The following MAP2K5 variants were observed in gnomAD, a reference collection of about 807,000 sequenced individuals.
MAP2K5 encodes mitogen-activated protein kinase kinase 5.
Under a neutral mutation model 83.1 loss-of-function variants are expected in MAP2K5, and 49 were observed. That is an observed-to-expected ratio of 0.59 (90% confidence interval 0.47 to 0.75). MAP2K5 has a LOEUF of 0.75. MAP2K5 is among the 30% of genes least tolerant of loss of function. MAP2K5 has a pLI of 0.00. For missense variants in MAP2K5, 457 were observed against 557.5 expected (o/e 0.82, Z 1.82); for synonymous variants, 202 against 191.8 (o/e 1.05, Z -0.44).
At chr15:67,631,004 T>C in intron 9 of MAP2K5, 77 bp downstream of exon 9, 1 of 1,188,644 alleles carries the variant, frequency 8.4e-7, no homozygotes, top group Non-Finnish European at 1.2e-6. Flanking sequence ...GTCACAGATA[T>C]TGTCAAAGAG....
chr15:67,726,163 A>T (rs1477332565), intron 16 of MAP2K5, among the ~76,000 whole-genome samples: 1 of 152,244 alleles, frequency 6.6e-6, no homozygotes, highest in Non-Finnish European at 1.5e-5. Flanking sequence ...TATGAGTACA[A>T]GGTAATGAAA....
intron 2 of MAP2K5, among the ~76,000 whole-genome samples, chr15:67,551,089 T>C (rs2084500837): frequency 1.3e-5 from 2 of 152,216 alleles, no homozygotes; most frequent in Admixed American, 1.3e-4. Context: ...CACTTCTTAA[T>C]GTAGAAAAAT....
chr15:67,566,400 T>C (rs1252686006), intron 3 of MAP2K5, among the ~76,000 whole-genome samples: 2 of 152,112 alleles, frequency 1.3e-5, no homozygotes, highest in African/African-American at 4.8e-5. Flanking sequence ...GGTCTCGAAC[T>C]CCTGATCTCA....
intron 3 of MAP2K5, among the ~76,000 whole-genome samples, chr15:67,567,359 T>G (rs1328478033): frequency 1.3e-5 from 2 of 149,430 alleles, no homozygotes; most frequent in East Asian, 3.9e-4. Context: ...CATAAAGTTT[T>G]TTTTTTTTTT....
In MAP2K5 at chr15:67,748,105, TAA is replaced by T. The variant is rs762393711; in HGVS notation, c.1075-124_1075-123del. 62 of 646,558 alleles carry T rather than the reference TAA, an allele frequency of 9.6e-5. No individual in the cohort carries two copies. In the African/African-American group the frequency reaches 1.0e-3, roughly 11 times the overall value. The allele number at this position is 646,558 out of a possible 1,614,324, so 40.1% of individuals were successfully genotyped here. ...TTAACATTTGTGTATTTTCATTATG[TAA>T]ATTGTGTTAACACATGCCCACAAAT... On this transcript the variant is annotated intron_variant, in intron 17 of 21. Transcript: ENST00000178640. This position sits in a 1 kb window ranked among gnomAD's most constrained non-coding sequence, Gnocchi z 4.0.
At chr15:67,688,354 A>AT (rs1464203938) in intron 13 of MAP2K5, among the ~76,000 whole-genome samples, 1 of 152,246 alleles carries the variant, frequency 6.6e-6, no homozygotes, top group East Asian at 1.9e-4. Context: ...TAAAGGGATC[A>AT]TTTTAGCTGC....
At chr15:67,756,515 C>CTCTGTGTGTG (rs376708425) in intron 19 of MAP2K5, among the ~76,000 whole-genome samples, 1 of 131,544 alleles carries the variant, frequency 7.6e-6, no homozygotes, top group Non-Finnish European at 1.6e-5. Context: ...CACACAGTTA[C>CTCTGTGTGTG]TGTGTGTGTG....
In MAP2K5 at chr15:67,806,517, G is replaced by A. The variant is rs2090811240; in HGVS notation, c.1243-129G>A. On this transcript the variant is annotated intron_variant, in intron 21 of 21. Coordinates refer to ENST00000178640, the MANE Select transcript of MAP2K5 (RefSeq NM_145160.3). ...TCTAGGCCGTGAAATGGAGCTGATA[G>A]CCTCCCTCGTTACCTCACAGGGTTA... 3 of 762,472 alleles carry A rather than the reference G, an allele frequency of 3.9e-6. No individual in the cohort carries two copies. The East Asian group carries it at 8.1e-5, about 21-fold the overall frequency. 47.2% of individuals were successfully genotyped at this position (762,472 alleles called of 1,614,324 possible).
intron 6 of MAP2K5, among the ~76,000 whole-genome samples, chr15:67,589,789 G>A (rs201661639): frequency 0.65 from 94,308 of 146,116 alleles, 30,509 homozygotes; most frequent in Middle Eastern, 0.78. Context: ...GTGTATGTGT[G>A]TGTGTGTGTG....
In MAP2K5 at chr15:67,594,161, G is replaced by A. The variant is rs115340097; in HGVS notation, c.480+1187G>A. On this transcript the variant is annotated intron_variant, in intron 7 of 21. Transcript: ENST00000178640. ...CCTATATACAGCTAAGGAGAATCTA[G>A]TGTGGTGTATGTATAATCTTTGTAG... 5.5e-3 allele frequency among the ~76,000 whole-genome samples: 844 copies of A among 152,232 alleles called. 4 individuals carry two copies. The highest frequency in any genetic ancestry group is 0.02 in the African/African-American group (810 of 41,522).
At chr15:67,597,657 T>C (rs1278988032) in intron 7 of MAP2K5, among the ~76,000 whole-genome samples, 1 of 152,216 alleles carries the variant, frequency 6.6e-6, no homozygotes, top group Non-Finnish European at 1.5e-5. Flanking sequence ...CTTATCTAAA[T>C]GAAAAAAGCA....
intron 15 of MAP2K5, 96 bp downstream of exon 15, chr15:67,693,664 G>A: frequency 1.1e-6 from 1 of 902,952 alleles, no homozygotes; most frequent in Non-Finnish European, 1.8e-6. Flanking sequence ...CACAGCTTTA[G>A]CCTAGCAGAT....
At chr15:67,571,401 G>A (rs1265075759) in intron 3 of MAP2K5, among the ~76,000 whole-genome samples, 1 of 152,152 alleles carries the variant, frequency 6.6e-6, no homozygotes, top group African/African-American at 2.4e-5. Flanking sequence ...ATTATTTATA[G>A]TACTGTAGTA....
chr15:67,625,896 C>T (rs781677656), intron 8 of MAP2K5, among the ~76,000 whole-genome samples: 1 of 152,130 alleles, frequency 6.6e-6, no homozygotes, highest in African/African-American at 2.4e-5. Flanking sequence ...GCTTTCTTGA[C>T]AAGCTAATTA....
At chr15:67,604,820 G>A (rs570534099) in intron 8 of MAP2K5, among the ~76,000 whole-genome samples, 12 of 151,868 alleles carry the variant, frequency 7.9e-5, no homozygotes, top group Admixed American at 2.0e-4. Flanking sequence ...GCTTGAACCC[G>A]GGAGGTGGAG....
At chr15:67,645,530 C>T (rs539897558) in intron 9 of MAP2K5, among the ~76,000 whole-genome samples, 1 of 152,244 alleles carries the variant, frequency 6.6e-6, no homozygotes, top group East Asian at 1.9e-4. Flanking sequence ...TGCTTATTGC[C>T]TAGTGTCTGA....
At chr15:67,709,478 C>CA (rs34286897) in intron 16 of MAP2K5, among the ~76,000 whole-genome samples, 57,396 of 129,532 alleles carry the variant, frequency 0.44, 11,982 homozygotes, top group Non-Finnish European at 0.5. Flanking sequence ...GACTTCAGGG[C>CA]AAAAAAAAAA....
Position 67,677,577 on chromosome 15 carries a change from T to C in MAP2K5, c.847+12932T>C, listed in dbSNP as rs532792443. ...TAATGTGGTATTCCTTTGTTTTCTT[T>C]CCTTTTTCCCCAAAAATGTTTTATA... On this transcript the variant is annotated intron_variant, in intron 13 of 21. Transcript: ENST00000178640. This position sits in a 1 kb window ranked among gnomAD's most constrained non-coding sequence, Gnocchi z 4.2. Among the ~76,000 whole-genome samples the C allele has an allele frequency of 1.3e-5, 2 of 152,346 alleles. No individual in the cohort carries two copies. The highest frequency in any genetic ancestry group is 3.9e-4 in the East Asian group (2 of 5,188).
At chr15:67,682,839 TAA>T (rs576946690) in intron 13 of MAP2K5, among the ~76,000 whole-genome samples, 2 of 133,876 alleles carry the variant, frequency 1.5e-5, no homozygotes, top group Non-Finnish European at 3.3e-5. Context: ...TCTCAAAAAA[TAA>T]AAAAAAAAGA....
Sources: gnomAD v4.1 joint callset for allele counts (sites outside exome capture counted in the v4.1 genomes callset) on GRCh38, gnomAD v4.1.1 for gene constraint, Gnocchi (gnomAD v3.1) non-coding constraint, MANE v1.5 for transcripts, NCBI Gene and HGNC (gene_info 2026-07-23, HGNC 2026-07-21) for gene names.